CACNA2D3: variants seen among roughly 807,000 people sequenced by gnomAD.
CACNA2D3 encodes calcium voltage-gated channel auxiliary subunit alpha2delta 3, also known as voltage-dependent calcium channel subunit alpha-2/delta-3.
CACNA2D3 carries 60 observed loss-of-function variants against 160.6 expected under a neutral mutation model. The ratio of observed to expected loss-of-function variants is 0.37; its 90% CI spans 0.30 to 0.46. The LOEUF is 0.46. CACNA2D3 is among the 20% of genes least tolerant of loss of function. CACNA2D3 has a pLI of 1.00. For missense variants in CACNA2D3, 1,205 were observed against 1,365.0 expected, an observed-to-expected ratio of 0.88 and a Z score of 1.85; for synonymous variants, 558 against 492.9, an observed-to-expected ratio of 1.13 and a Z score of -1.75.
intron 3 of CACNA2D3, among the ~76,000 whole-genome samples, chr3:54,382,247 C>A (rs181685030): frequency 6.6e-6 from 1 of 152,290 alleles, no homozygotes; most frequent in Admixed American, 6.5e-5. Context: ...TAACAGTTTT[C>A]CCCAGGCTCA....
At chr3:54,898,835 G>C (rs148816260) in intron 26 of CACNA2D3, among the ~76,000 whole-genome samples, 1 of 152,150 alleles carries the variant, frequency 6.6e-6, no homozygotes, top group South Asian at 2.1e-4. Context: ...AACATCTTAG[G>C]ACATTTCATA....
At chr3:54,601,838 T>G (rs1481461027) in intron 9 of CACNA2D3, among the ~76,000 whole-genome samples, 1 of 152,114 alleles carries the variant, frequency 6.6e-6, no homozygotes, top group Non-Finnish European at 1.5e-5. Context: ...ACGATATGCC[T>G]TCTAAACATG....
At chr3:54,901,858 T>C (rs529998136) in intron 27 of CACNA2D3, among the ~76,000 whole-genome samples, 3 of 152,152 alleles carry the variant, frequency 2.0e-5, no homozygotes, top group Non-Finnish European at 4.4e-5. Flanking sequence ...TCTCCAAAAA[T>C]AGAGCGGCCT....
chr3:54,238,561 A>G lies in CACNA2D3; in HGVS notation c.205-81881A>G, dbSNP rs573138752. Among the ~76,000 whole-genome samples the G allele has an allele frequency of 2.6e-3, 403 of 152,376 alleles. 3 individuals are homozygous for G. The highest frequency in any genetic ancestry group is 4.3e-3 in the Non-Finnish European group (292 of 68,030). The stretch of plus-strand genomic sequence containing the variant: ...GGGAGAAAGCAGTAAATCTCAAGTT[A>G]TCTAGTTTTTAGGTTGTCAGTTTTT... On this transcript the variant is annotated intron_variant, in intron 2 of 37. Transcript: ENST00000474759.
chr3:54,231,557 A>C (rs1314325337), intron 2 of CACNA2D3, among the ~76,000 whole-genome samples: 1 of 152,232 alleles, frequency 6.6e-6, no homozygotes, highest in Admixed American at 6.5e-5. Flanking sequence ...TTAGGCTCAC[A>C]CACGTACATA....
intron 2 of CACNA2D3, among the ~76,000 whole-genome samples, chr3:54,304,861 A>C (rs186774707): frequency 6.6e-6 from 1 of 152,058 alleles, no homozygotes; most frequent in Non-Finnish European, 1.5e-5. Context: ...TTCTGCCACC[A>C]TACCCAGGCA....
chr3:55,057,109 T>C (rs1704380852), intron 35 of CACNA2D3, among the ~76,000 whole-genome samples: 1 of 152,138 alleles, frequency 6.6e-6, no homozygotes, highest in African/African-American at 2.4e-5. Flanking sequence ...GGGTAGGTCT[T>C]TCCTGTGCCG....
chr3:54,899,977 G>T (rs1700288999), intron 27 of CACNA2D3, 109 bp downstream of exon 27: 4 of 753,418 alleles, frequency 5.3e-6, no homozygotes, highest in Admixed American at 4.9e-5. Flanking sequence ...GTTTTCAAAG[G>T]AGAAAACAAT....
At chr3:54,705,781 G>A (rs990307603) in intron 11 of CACNA2D3, among the ~76,000 whole-genome samples, 8 of 152,184 alleles carry the variant, frequency 5.3e-5, no homozygotes, top group Non-Finnish European at 7.3e-5. Flanking sequence ...ATAATGTGCT[G>A]ATCCTAACTT....
chr3:54,798,236 A>T (rs1702908452), intron 13 of CACNA2D3, among the ~76,000 whole-genome samples: 1 of 152,184 alleles, frequency 6.6e-6, no homozygotes, highest in Non-Finnish European at 1.5e-5. Context: ...GTCATTTTCT[A>T]TGAAAAGAAT....
At chr3:54,856,570 T>C (rs1359170350) in intron 17 of CACNA2D3, among the ~76,000 whole-genome samples, 1 of 152,210 alleles carries the variant, frequency 6.6e-6, no homozygotes, top group Non-Finnish European at 1.5e-5. Flanking sequence ...ATAAAGCAGA[T>C]AGAATTGTCC....
At chr3:54,246,529 C>T (rs372952905) in intron 2 of CACNA2D3, among the ~76,000 whole-genome samples, 23 of 151,880 alleles carry the variant, frequency 1.5e-4, no homozygotes, top group African/African-American at 5.3e-4. Context: ...TCCATCTCTA[C>T]TAAAAATACA....
At chr3:55,002,418 A>G (rs1484505211) in intron 31 of CACNA2D3, among the ~76,000 whole-genome samples, 1 of 152,196 alleles carries the variant, frequency 6.6e-6, no homozygotes, top group Non-Finnish European at 1.5e-5. Flanking sequence ...CTGAGTGAGG[A>G]TGGAGATGGT....
intron 11 of CACNA2D3, among the ~76,000 whole-genome samples, chr3:54,697,897 T>A (rs978743292): frequency 1.3e-5 from 2 of 152,158 alleles, no homozygotes; most frequent in African/African-American, 4.8e-5. Flanking sequence ...TTTCTTCCAG[T>A]CTCATTTCAC....
At chr3:55,039,160 C>G (rs1398201974) in intron 35 of CACNA2D3, among the ~76,000 whole-genome samples, 1 of 151,930 alleles carries the variant, frequency 6.6e-6, no homozygotes, top group African/African-American at 2.4e-5. Flanking sequence ...ATAGAAAAAC[C>G]TAAAAGAGGC....
intron 4 of CACNA2D3, among the ~76,000 whole-genome samples, chr3:54,417,810 G>T (rs1699779508): frequency 7.0e-6 from 1 of 142,428 alleles, no homozygotes; most frequent in African/African-American, 2.6e-5. Context: ...GGGGGGGTGG[G>T]GGGGTTACTC....
At chr3:54,859,888 G>C (rs1472563355) in intron 17 of CACNA2D3, among the ~76,000 whole-genome samples, 2 of 151,254 alleles carry the variant, frequency 1.3e-5, no homozygotes, top group Non-Finnish European at 2.9e-5. Context: ...AAGTCCATAA[G>C]ATCAAGGTAG....
intron 35 of CACNA2D3, among the ~76,000 whole-genome samples, chr3:55,053,999 C>G (rs1704299714): frequency 1.3e-5 from 2 of 151,492 alleles, no homozygotes; most frequent in Non-Finnish European, 3.0e-5. Flanking sequence ...TTTATATTGA[C>G]TATTTTATGA....
chr3:54,622,928 G>A (rs767047630), intron 9 of CACNA2D3, among the ~76,000 whole-genome samples: 10 of 152,216 alleles, frequency 6.6e-5, no homozygotes, highest in Non-Finnish European at 1.2e-4. Flanking sequence ...CACAGGCGCG[G>A]TAAACCGATC....
Sources: allele counts gnomAD v4.1 joint callset (sites outside exome capture counted in the v4.1 genomes callset), GRCh38; gene constraint gnomAD v4.1.1; transcripts MANE v1.5; gene names NCBI Gene and HGNC (gene_info 2026-07-23, HGNC 2026-07-21).